The following MCF2L variants were observed in gnomAD, a reference collection of about 807,000 sequenced individuals.
MCF2L encodes MCF.2 cell line derived transforming sequence like, also known as guanine nucleotide exchange factor DBS.
A neutral mutation model predicts 153.4 loss-of-function variants in MCF2L; 97 were observed. That is an observed-to-expected ratio of 0.63 (90% CI 0.54 to 0.75). The LOEUF (loss-of-function observed/expected upper bound fraction) is 0.75, where lower values mean the gene tolerates loss of function less well. Ranked by LOEUF, MCF2L falls within the 30% of genes least tolerant of loss-of-function variation. The probability of loss-of-function intolerance (pLI) is 0.00; values close to 1 mark genes in which losing one functional copy is unlikely to be tolerated. For synonymous variants in MCF2L, 659 were observed against 632.2 expected (o/e 1.04, Z -0.64); for missense variants, 1,347 against 1,495.2 (o/e 0.90, Z 1.64).
intron 2 of MCF2L, among the ~76,000 whole-genome samples, chr13:112,964,115 G>A (rs1350839075): frequency 2.8e-5 from 4 of 145,368 alleles, no homozygotes; most frequent in Non-Finnish European, 6.1e-5. Context: ...GGGCGGGGGG[G>A]CGGGGGGGCC....
chr13:113,034,995 C>T (rs1301626005), intron 3 of MCF2L, among the ~76,000 whole-genome samples: 3 of 152,202 alleles, frequency 2.0e-5, no homozygotes, highest in Non-Finnish European at 4.4e-5. Context: ...GGACCTATGG[C>T]GCCCACACCG....
intron 2 of MCF2L, among the ~76,000 whole-genome samples, chr13:112,905,123 C>T (rs78984541): frequency 0.026 from 3,899 of 152,274 alleles, 83 homozygotes; most frequent in East Asian, 0.046. Flanking sequence ...GCAAAGAAAA[C>T]GAGCACGTAA....
chr13:113,027,389 G>C lies in MCF2L; in HGVS notation c.278+2631G>C, dbSNP rs2085379571. 6.6e-6 allele frequency among the ~76,000 whole-genome samples: 1 copy of C among 152,078 alleles called. No individual in the cohort carries two copies. The highest frequency in any genetic ancestry group is 1.5e-5 in the Non-Finnish European group (1 of 68,016). On this transcript the variant is annotated intron_variant, in intron 3 of 29. Transcript: ENST00000535094. This position sits in a 1 kb window ranked among gnomAD's most constrained non-coding sequence, Gnocchi z 4.8. ...TTGAGGTGGGAGCTGGAGGAGCAGGGAGCCTCACCGGTGGGCCTTTCGGGG... is the reference window on the plus strand; with the variant it reads ...TTGAGGTGGGAGCTGGAGGAGCAGGCAGCCTCACCGGTGGGCCTTTCGGGG...
intron 2 of MCF2L, among the ~76,000 whole-genome samples, chr13:112,942,929 C>G (rs2081591167): frequency 6.6e-6 from 1 of 152,220 alleles, no homozygotes; most frequent in Non-Finnish European, 1.5e-5. Context: ...GGACAGCACC[C>G]TCGTGAGCTG....
chr13:113,001,912 T>G (rs777451279), intron 1 of MCF2L: 3 of 1,593,654 alleles, frequency 1.9e-6, no homozygotes, highest in Non-Finnish European at 2.6e-6. Context: ...CTGGGCAGCA[T>G]GACGGTGCGC....
intron 1 of MCF2L, among the ~76,000 whole-genome samples, chr13:113,005,044 G>T (rs927480302): frequency 6.6e-6 from 1 of 152,184 alleles, no homozygotes; most frequent in Non-Finnish European, 1.5e-5. Flanking sequence ...AGAGCCACCC[G>T]CCCTCCAGAG....
intron 1 of MCF2L, among the ~76,000 whole-genome samples, chr13:112,988,838 A>G (rs2082765563): frequency 1.2e-5 from 1 of 80,430 alleles, no homozygotes; most frequent in Non-Finnish European, 2.7e-5. Flanking sequence ...CAGGGGATGG[A>G]GCTACCACGC....
chr13:113,003,507 G>A (rs1482470861), intron 1 of MCF2L, among the ~76,000 whole-genome samples: 2 of 152,068 alleles, frequency 1.3e-5, no homozygotes. Context: ...GCAGGGGTAG[G>A]TGGCTGCTTT....
rs768812636 is a variant in MCF2L at position 113,096,747 on chromosome 13, G to T, written c.3293-27G>T. The T allele has an allele frequency of 3.2e-6, 5 of 1,557,846 alleles. No individual in the cohort carries two copies. The East Asian group carries it at 1.2e-4, about 37-fold the overall frequency. On this transcript the variant is annotated intron_variant, in intron 29 of 29. Transcript: ENST00000535094. ...TGTGCCCGGCAGAGCCGACGCCGAA[G>T]CCCGTCCCCGCCTGATCTCCCCGCA... is the stretch of plus-strand genomic sequence containing the variant.
intron 2 of MCF2L, among the ~76,000 whole-genome samples, chr13:112,930,968 G>C (rs1241693924): frequency 6.6e-6 from 1 of 152,062 alleles, no homozygotes; most frequent in Non-Finnish European, 1.5e-5. Flanking sequence ...AAATCATTTC[G>C]GAGGTCAGAG....
At position 113,074,590 on chromosome 13, in the gene MCF2L, C is replaced by A. The variant is rs115834416; in HGVS notation, c.1116+27C>A. 6.2e-7 allele frequency: 1 copy of A among 1,610,010 alleles called. No individual in the cohort carries two copies. The highest frequency in any genetic ancestry group is 8.5e-7 in the Non-Finnish European group (1 of 1,177,366). The stretch of plus-strand genomic sequence containing the variant: ...TAAGGCGGGGTCCCGGCGGGGGCGG[C>A]GGGAGAGTGTGGGCAGCATCATCAA... On this transcript the variant is annotated intron_variant, in intron 10 of 29. Transcript: ENST00000535094. This position sits in a 1 kb window ranked among gnomAD's most constrained non-coding sequence, Gnocchi z 4.2.
rs55800416 is a variant in MCF2L at position 113,007,916 on chromosome 13, CTTT to C, written c.80-6831_80-6829del. Reference sequence around the variant, plus strand: ...TTTAGTATGTGTATCTTTTCTTTTTCTTTTTTTTTTTTTTTTTTGAGATGGAGT... The same window carrying C: ...TTTAGTATGTGTATCTTTTCTTTTTCTTTTTTTTTTTTTTTGAGATGGAGT... On this transcript the variant is annotated intron_variant, in intron 1 of 29. Coordinates refer to ENST00000535094, the MANE Select transcript of MCF2L (RefSeq NM_001112732.3). Among the ~76,000 whole-genome samples the C allele has an allele frequency of 5.0e-3, 566 of 112,934 alleles. 4 individuals carry two copies. The highest frequency in any genetic ancestry group is 0.017 in the African/African-American group (509 of 30,832). The allele number at this position is 112,934 out of a possible 152,430, so 74.1% of individuals were successfully genotyped here.
At chr13:112,918,818 G>C (rs976504123) in intron 2 of MCF2L, among the ~76,000 whole-genome samples, 1 of 152,088 alleles carries the variant, frequency 6.6e-6, no homozygotes, top group African/African-American at 2.4e-5. Flanking sequence ...CCTGACTGAA[G>C]CATCGGCCCA....
At position 112,983,451 on chromosome 13, in the gene MCF2L, G is replaced by T. The variant is rs531415092; in HGVS notation, c.79+13993G>T. Among the ~76,000 whole-genome samples the T allele has an allele frequency of 1.3e-3, 191 of 152,296 alleles. No homozygotes were observed. Among genetic ancestry groups the T allele is most frequent in the African/African-American group, 4.0e-3 (168 of 41,572 alleles). ...GGTGGCCTTCTCCAGGCATTGCCCT[G>T]CACCTCGAGGGGCAGCGGGGCTTAA... On this transcript the variant is annotated intron_variant, in intron 1 of 29. Transcript: ENST00000535094. The surrounding 1 kb of genome is among the most constrained non-coding windows in gnomAD (Gnocchi z 4.0).
At chr13:113,037,435 G>A (rs891573616) in intron 3 of MCF2L, among the ~76,000 whole-genome samples, 6 of 152,162 alleles carry the variant, frequency 3.9e-5, no homozygotes, top group African/African-American at 1.2e-4. Context: ...GCATGGGGTC[G>A]GAGACTCAGG....
Position 113,077,126 on chromosome 13 carries a change from G to A in MCF2L, c.1575G>A (p.Lys525=). The part of the protein sequence containing the change: ...EVFHRRQASL[K]KLAARQTRPV... ...TCCACCGCAGGCAGGCCAGCCTGAA[G>A]AAGCTGGCGGCCAGGCAGACGCGGC... Residue 525 remains lysine (K), a synonymous_variant, in exon 13 of 30, where the codon AAG becomes AAA. Coordinates refer to ENST00000535094, the MANE Select transcript of MCF2L (RefSeq NM_001112732.3). The A allele has an allele frequency of 6.2e-7, 1 of 1,612,762 alleles. No homozygotes were observed. Among genetic ancestry groups the A allele is most frequent in the Non-Finnish European group, 8.5e-7 (1 of 1,179,834 alleles).
chr13:112,903,349 C>T (rs1245477643), intron 2 of MCF2L, among the ~76,000 whole-genome samples: 1 of 152,242 alleles, frequency 6.6e-6, no homozygotes, highest in East Asian at 1.9e-4. Flanking sequence ...CTGAGACTTT[C>T]GCATTCAGAG....
At chr13:112,944,710 TCTC>T (rs2081618798) in intron 2 of MCF2L, among the ~76,000 whole-genome samples, 1 of 152,000 alleles carries the variant, frequency 6.6e-6, no homozygotes, top group Admixed American at 6.6e-5. Context: ...ATGGTCTCGA[TCTC>T]CTGACCTCGT....
chr13:112,895,639 C>T (rs117822910), intron 1 of MCF2L, among the ~76,000 whole-genome samples: 1,858 of 152,174 alleles, frequency 0.012, 21 homozygotes, highest in East Asian at 0.048. Context: ...GCTGGGGGGA[C>T]GGGACCCCGG....
Sources: gnomAD v4.1 joint callset for allele counts (sites outside exome capture counted in the v4.1 genomes callset) on GRCh38, gnomAD v4.1.1 for gene constraint, Gnocchi (gnomAD v3.1) non-coding constraint, MANE v1.5 for transcripts, NCBI Gene and HGNC (gene_info 2026-07-23, HGNC 2026-07-21) for gene names.